KANK1: variants seen among roughly 807,000 people sequenced by gnomAD.
KANK1 encodes KN motif and ankyrin repeat domain-containing protein 1.
Under a neutral mutation model 106.2 loss-of-function variants are expected in KANK1, and 109 were observed. The ratio of observed to expected loss-of-function variants is 1.03; its 90% CI spans 0.88 to 1.20. The LOEUF (loss-of-function observed/expected upper bound fraction) is 1.20. KANK1 is among the 50% of genes most tolerant of loss of function. The pLI, the probability that KANK1 is intolerant of heterozygous loss-of-function variation, is 0.00. For synonymous variants in KANK1, 873 were observed against 652.2 expected (o/e 1.34, Z -5.16); for missense variants, 2,399 against 1,710.7 (o/e 1.40, Z -7.10).
chr9:523,177 G>T (rs537190239), intron 1 of KANK1, among the ~76,000 whole-genome samples: 6 of 151,646 alleles, frequency 4.0e-5, no homozygotes, highest in Admixed American at 1.3e-4. Context: ...CTACACCCGA[G>T]TGTGTGGTGG....
chr9:730,869 G>A lies in KANK1; in HGVS notation c.2897-289G>A, dbSNP rs778776095. ...ATGGTCCTTGAGGCTCGTGAGACAC[G>A]ACATCACTTTATAAGCAGTAAAGCC... On this transcript the variant is annotated intron_variant, in intron 4 of 11. Transcript: ENST00000382297. 4.7e-5 allele frequency: 11 copies of A among 231,908 alleles called. No homozygotes were observed. In the South Asian group the frequency reaches 6.5e-4, roughly 14 times the overall value. 14.4% of individuals were successfully genotyped at this position (231,908 alleles called of 1,614,324 possible).
chr9:553,894 T>A (rs1343251161), intron 1 of KANK1, among the ~76,000 whole-genome samples: 1 of 152,126 alleles, frequency 6.6e-6, no homozygotes, highest in Non-Finnish European at 1.5e-5. Flanking sequence ...TAAAAAAATA[T>A]AATTTATAGC....
intron 3 of KANK1, among the ~76,000 whole-genome samples, chr9:724,100 CA>C (rs911271301): frequency 6.7e-6 from 1 of 149,604 alleles, no homozygotes. Flanking sequence ...GATGCCATAT[CA>C]AAAAAAAAGA....
Position 711,607 on chromosome 9 carries a change from G to C in KANK1, c.841G>C (p.Val281Leu). The C allele has an allele frequency of 2.5e-6, 4 of 1,614,146 alleles. No individual in the cohort carries two copies. Among genetic ancestry groups the C allele is most frequent in the Non-Finnish European group, 2.5e-6 (3 of 1,180,032 alleles). ...LKRLKELEEQ[V>L]RTIPVLQVKI... ...ACGCCTGAAGGAGCTGGAGGAGCAG[G>C]TGCGAACCATCCCTGTGCTCCAGGT... is the stretch of plus-strand genomic sequence containing the variant. The change falls in exon 3 of 12, where the codon GTG becomes CTG. Residue 281 changes from valine (V) to leucine (L), a missense_variant. Physicochemically the swap from Val to Leu is conservative, Grantham distance 32. Transcript: ENST00000382297.
Position 712,420 on chromosome 9 carries a change from C to G in KANK1, c.1654C>G (p.Gln552Glu), listed in dbSNP as rs750296772. 8.7e-6 allele frequency: 14 copies of G among 1,613,998 alleles called. No homozygotes were observed. The highest frequency in any genetic ancestry group is 1.7e-5 in the Admixed American group (1 of 59,992). ...AACAAACAGTGTAGGCATCTCCTGC[C>G]AGCCTGAATGTAAGAATAAAGTCGT... ...VETNSVGISC[Q>E]PECKNKVVGP... is the part of the protein sequence containing the mutation. Residue 552 changes from glutamine (Q) to glutamate (E), a missense_variant, in exon 3 of 12, where the codon CAG becomes GAG. Gln to Glu is a conservative substitution (Grantham distance 29). Coordinates refer to ENST00000382297, the MANE Select transcript of KANK1 (RefSeq NM_015158.5).
intron 1 of KANK1, among the ~76,000 whole-genome samples, chr9:547,809 C>G (rs1034592358): frequency 3.3e-5 from 5 of 152,152 alleles, no homozygotes; most frequent in Non-Finnish European, 7.3e-5. Context: ...AGTGGACTAG[C>G]CCATGCTGTG....
chr9:667,996 A>T (rs1292555576), intron 1 of KANK1, among the ~76,000 whole-genome samples: 2 of 151,974 alleles, frequency 1.3e-5, no homozygotes, highest in Non-Finnish European at 1.5e-5. Flanking sequence ...CTCCCAAAGT[A>T]CTGGGATTAC....
chr9:599,123 A>G (rs989688036), intron 1 of KANK1, among the ~76,000 whole-genome samples: 2 of 150,242 alleles, frequency 1.3e-5, no homozygotes, highest in African/African-American at 2.5e-5. Context: ...GGGTCAAGCA[A>G]TTCTCCTGCC....
At chr9:537,035 C>G (rs561021189) in intron 1 of KANK1, among the ~76,000 whole-genome samples, 1 of 152,074 alleles carries the variant, frequency 6.6e-6, no homozygotes, top group African/African-American at 2.4e-5. Context: ...GACAAGGAAG[C>G]GAGAGAGAAG....
intron 3 of KANK1, among the ~76,000 whole-genome samples, chr9:721,790 A>G (rs1829411460): frequency 6.6e-6 from 1 of 152,330 alleles, no homozygotes; most frequent in Middle Eastern, 3.4e-3. Context: ...CTGTTCACTT[A>G]TGTGCTGTAC....
chr9:538,464 C>G (rs890903723), intron 1 of KANK1, among the ~76,000 whole-genome samples: 1 of 152,190 alleles, frequency 6.6e-6, no homozygotes, highest in Admixed American at 6.5e-5. Context: ...CCATGATTGA[C>G]AAAACAATTT....
chr9:712,783 A>G lies in KANK1; in HGVS notation c.2017A>G (p.Thr673Ala), dbSNP rs1357275610. The G allele has an allele frequency of 3.7e-6, 6 of 1,613,920 alleles. No homozygotes were observed. The highest frequency in any genetic ancestry group is 1.6e-4 in the Middle Eastern group (1 of 6,062). ...AGTGCCTCGTACTGCAGACCAGGACACTAGCACAGATTTGGAACAGGTGCA... is the reference window on the plus strand; with the variant it reads ...AGTGCCTCGTACTGCAGACCAGGACGCTAGCACAGATTTGGAACAGGTGCA... ...MAVPRTADQD[T>A]STDLEQVHQF... Residue 673 changes from threonine to alanine, a missense_variant, in exon 3 of 12, where the codon ACT (threonine) becomes GCT (alanine). Transcript: ENST00000382297.
At chr9:687,627 T>G (rs1375138277) in intron 2 of KANK1, among the ~76,000 whole-genome samples, 2 of 152,080 alleles carry the variant, frequency 1.3e-5, no homozygotes, top group Non-Finnish European at 2.9e-5. Flanking sequence ...CCAGTTAGTG[T>G]CTTTGCTTTC....
chr9:568,161 A>C (rs1348185142), intron 1 of KANK1, among the ~76,000 whole-genome samples: 1 of 152,214 alleles, frequency 6.6e-6, no homozygotes, highest in African/African-American at 2.4e-5. Flanking sequence ...ATGTGGTTAT[A>C]ACCACTACCT....
chr9:517,289 A>G (rs2059325704), intron 1 of KANK1, among the ~76,000 whole-genome samples: 2 of 151,660 alleles, frequency 1.3e-5, no homozygotes, highest in African/African-American at 4.9e-5. Context: ...GTTTGAGTAG[A>G]GACAGGGTTT....
At chr9:587,163 A>G (rs1823696032) in intron 1 of KANK1, among the ~76,000 whole-genome samples, 1 of 152,124 alleles carries the variant, frequency 6.6e-6, no homozygotes, top group Admixed American at 6.5e-5. Context: ...TTTTTTCTTT[A>G]TAACTATCAT....
At chr9:706,542 A>T (rs1351011723) in intron 2 of KANK1, among the ~76,000 whole-genome samples, 1 of 136,302 alleles carries the variant, frequency 7.3e-6, no homozygotes, top group Non-Finnish European at 1.6e-5. Context: ...CCCTTTTTTT[A>T]CGTTCTTTAA....
intron 1 of KANK1, among the ~76,000 whole-genome samples, chr9:623,273 C>G (rs942505291): frequency 1.3e-5 from 2 of 151,754 alleles, no homozygotes; most frequent in African/African-American, 4.8e-5. Flanking sequence ...CCAAAGAAGA[C>G]ACACAAATAG....
chr9:524,239 A>C (rs139402917), intron 1 of KANK1, among the ~76,000 whole-genome samples: 1 of 151,390 alleles, frequency 6.6e-6, no homozygotes, highest in African/African-American at 2.4e-5. Context: ...AAGTAATACA[A>C]CCCTTCCCTT....
Sources: allele counts gnomAD v4.1 joint callset (sites outside exome capture counted in the v4.1 genomes callset), GRCh38; gene constraint gnomAD v4.1.1; transcripts MANE v1.5; gene names NCBI Gene and HGNC (gene_info 2026-07-23, HGNC 2026-07-21).